GAS2: variants seen among roughly 807,000 people sequenced by gnomAD.
GAS2 encodes the protein growth arrest specific 2.
GAS2 carries 20 observed loss-of-function variants against 37.5 expected under a neutral mutation model. That is an observed-to-expected ratio of 0.53 (90% CI 0.37 to 0.77). The LOEUF is 0.77. GAS2 is among the 30% of genes least tolerant of loss of function. The probability of loss-of-function intolerance (pLI) is 0.00; values close to 1 mark genes in which losing one functional copy is unlikely to be tolerated. For synonymous variants in GAS2, 144 were observed against 132.2 expected, an observed-to-expected ratio of 1.09 and a Z score of -0.61; for missense variants, 336 against 373.4, an observed-to-expected ratio of 0.90 and a Z score of 0.82.
intron 7 of GAS2, among the ~76,000 whole-genome samples, chr11:22,789,543 G>C (rs1326353737): frequency 2.2e-5 from 3 of 133,946 alleles, no homozygotes; most frequent in African/African-American, 2.8e-5. Context: ...CTCACTGCAA[G>C]CTCCACCTAC....
chr11:22,799,157 A>G (rs1047750937), intron 7 of GAS2, among the ~76,000 whole-genome samples: 1 of 152,058 alleles, frequency 6.6e-6, no homozygotes. Flanking sequence ...GTCAGATACC[A>G]TTGCCTCTTA....
chr11:22,659,794 C>A (rs901757030), intron 1 of GAS2, among the ~76,000 whole-genome samples: 2 of 150,414 alleles, frequency 1.3e-5, no homozygotes, highest in African/African-American at 4.9e-5. Flanking sequence ...AGACTCCTGA[C>A]ACCTCCTTAT....
chr11:22,646,450 AC>A (rs1300296191), intron 1 of GAS2, among the ~76,000 whole-genome samples: 2 of 152,192 alleles, frequency 1.3e-5, no homozygotes, highest in African/African-American at 4.8e-5. Flanking sequence ...CTTGAGTTCT[AC>A]CATTCCAAAT....
intron 3 of GAS2, among the ~76,000 whole-genome samples, chr11:22,715,460 CAAAAAAAAAA>C (rs1192862614): frequency 4.8e-4 from 20 of 41,754 alleles, no homozygotes; most frequent in South Asian, 1.4e-3. Flanking sequence ...GACTCTGTCT[CAAAAAAAAAA>C]AAAAAAAAAA....
chr11:22,758,684 C>T (rs180703165), intron 7 of GAS2, among the ~76,000 whole-genome samples: 35 of 152,092 alleles, frequency 2.3e-4, no homozygotes, highest in African/African-American at 7.2e-4. Context: ...GAGGCCGAGG[C>T]GGGCAGATCA....
chr11:22,676,406 A>G (rs147443608), intron 2 of GAS2, among the ~76,000 whole-genome samples: 295 of 152,306 alleles, frequency 1.9e-3, no homozygotes, highest in African/African-American at 6.9e-3. Context: ...GATATAGGCA[A>G]TCACAAGTAT....
At chr11:22,789,303 T>TATATATATATATATATATATACAC (rs1350750428) in intron 7 of GAS2, among the ~76,000 whole-genome samples, 1 of 111,120 alleles carries the variant, frequency 9.0e-6, no homozygotes, top group African/African-American at 3.7e-5. Context: ...TATATATATA[T>TATATATATATATATATATATACAC]ACACACACAC....
At chr11:22,803,005 A>G (rs1590148672) in intron 7 of GAS2, among the ~76,000 whole-genome samples, 1 of 152,220 alleles carries the variant, frequency 6.6e-6, no homozygotes, top group Admixed American at 6.5e-5. Context: ...CGTTTTGTGT[A>G]AGTACACTCT....
chr11:22,692,903 G>T (rs1360977235), intron 3 of GAS2, among the ~76,000 whole-genome samples: 1 of 152,042 alleles, frequency 6.6e-6, no homozygotes, highest in Admixed American at 6.6e-5. Context: ...GAACAAGCGA[G>T]GAACATTTGT....
chr11:22,758,913 C>CAAAAAAA lies in GAS2; in HGVS notation c.723+2968_723+2974dup, dbSNP rs66871964. 4.6e-4 allele frequency among the ~76,000 whole-genome samples: 34 copies of CAAAAAAA among 73,312 alleles called. 5 individuals are homozygous for CAAAAAAA. Among genetic ancestry groups the CAAAAAAA allele is most frequent in the East Asian group, 5.0e-4 (1 of 2,012 alleles). The allele number at this position is 73,312 out of a possible 152,430, so 48.1% of individuals were successfully genotyped here. On this transcript the variant is annotated intron_variant, in intron 7 of 7. Coordinates refer to ENST00000454584, the MANE Select transcript of GAS2 (RefSeq NM_001143830.3). ...GGACAACAAGAGCAAAACTCCGTCT[C>CAAAAAAA]AAAAAAAAAAAAAAGAGAAAGTCAT...
At chr11:22,748,090 T>A (rs1054368716) in intron 5 of GAS2, among the ~76,000 whole-genome samples, 5 of 152,254 alleles carry the variant, frequency 3.3e-5, no homozygotes, top group East Asian at 1.9e-4. Flanking sequence ...GTATATTTTT[T>A]AAAAATAGAT....
At chr11:22,638,841 G>A (rs889465058) in intron 1 of GAS2, among the ~76,000 whole-genome samples, 1 of 151,972 alleles carries the variant, frequency 6.6e-6, no homozygotes, top group African/African-American at 2.4e-5. Context: ...CACATCTTCA[G>A]ACAAGGCAGT....
At chr11:22,789,869 C>T (rs1856057468) in intron 7 of GAS2, among the ~76,000 whole-genome samples, 1 of 151,888 alleles carries the variant, frequency 6.6e-6, no homozygotes, top group African/African-American at 2.4e-5. Context: ...GAATGCTGAC[C>T]GAGTTATAAA....
intron 3 of GAS2, among the ~76,000 whole-genome samples, chr11:22,721,013 G>C (rs1269178384): frequency 1.3e-5 from 2 of 152,026 alleles, no homozygotes; most frequent in Non-Finnish European, 2.9e-5. Context: ...AGTTGAAAGT[G>C]TAGGAGCACA....
chr11:22,725,912 A>T (rs1249560104), intron 3 of GAS2, among the ~76,000 whole-genome samples: 1 of 152,054 alleles, frequency 6.6e-6, no homozygotes, highest in Non-Finnish European at 1.5e-5. Context: ...ATATATTTGT[A>T]TTTCTCCCAT....
At chr11:22,759,693 G>GTAACAGAT (rs1299657464) in intron 7 of GAS2, among the ~76,000 whole-genome samples, 1 of 152,166 alleles carries the variant, frequency 6.6e-6, no homozygotes, top group Admixed American at 6.5e-5. Context: ...GATTTCTGCA[G>GTAACAGAT]TAACAGAGAT....
chr11:22,683,831 G>A lies in GAS2; in HGVS notation c.146-1837G>A, dbSNP rs571826571. Reference sequence around the variant, plus strand: ...TAACATTATGCTTACCTCTGTAGGAGATACAAAAAATAATAATAAAAAAGA... The same window carrying A: ...TAACATTATGCTTACCTCTGTAGGAAATACAAAAAATAATAATAAAAAAGA... On this transcript the variant is annotated intron_variant, in intron 2 of 7. Coordinates refer to ENST00000454584, the MANE Select transcript of GAS2 (RefSeq NM_001143830.3). Among the ~76,000 whole-genome samples, 6 of 151,984 alleles carry A rather than the reference G, an allele frequency of 3.9e-5. No homozygotes were observed. In the East Asian group the frequency reaches 1.2e-3, roughly 29 times the overall value.
chr11:22,718,046 A>T (rs560894359), intron 3 of GAS2, among the ~76,000 whole-genome samples: 19 of 152,262 alleles, frequency 1.2e-4, no homozygotes, highest in African/African-American at 4.6e-4. Context: ...TACAACCACC[A>T]TGGAAAACAG....
At chr11:22,685,054 CT>C (rs1849872680) in intron 2 of GAS2, among the ~76,000 whole-genome samples, 2 of 151,946 alleles carry the variant, frequency 1.3e-5, no homozygotes, top group African/African-American at 4.8e-5. Flanking sequence ...AATCCCAGTA[CT>C]TTTGGAGGCC....
Sources: allele counts gnomAD v4.1 joint callset (sites outside exome capture counted in the v4.1 genomes callset), GRCh38; gene constraint gnomAD v4.1.1; transcripts MANE v1.5; gene names NCBI Gene and HGNC (gene_info 2026-07-23, HGNC 2026-07-21).